RGMA: variants seen among roughly 807,000 people sequenced by gnomAD.
RGMA encodes the protein repulsive guidance molecule BMP co-receptor a, also known as repulsive guidance molecule A.
Under a neutral mutation model 23.2 loss-of-function variants are expected in RGMA, and 10 were observed. That is an observed-to-expected ratio of 0.43 (90% CI 0.27 to 0.73). The LOEUF (loss-of-function observed/expected upper bound fraction) is 0.73, where lower values mean the gene tolerates loss of function less well. RGMA is among the 30% of genes least tolerant of loss of function. The pLI is 0.20. For missense variants in RGMA, 547 were observed against 630.5 expected, an observed-to-expected ratio of 0.87 and a Z score of 1.42; for synonymous variants, 308 against 279.3, an observed-to-expected ratio of 1.10 and a Z score of -1.03.
intron 1 of RGMA, among the ~76,000 whole-genome samples, chr15:93,078,451 G>C (rs1282190888): frequency 6.6e-6 from 1 of 152,216 alleles, no homozygotes; most frequent in Non-Finnish European, 1.5e-5. Flanking sequence ...TTACAACTCA[G>C]AGTGTGAGAA....
At chr15:93,081,077 T>C (rs927759342) in intron 1 of RGMA, among the ~76,000 whole-genome samples, 1 of 152,174 alleles carries the variant, frequency 6.6e-6, no homozygotes, top group African/African-American at 2.4e-5. Context: ...CCACTGAATA[T>C]GGGGAAAGAC....
At chr15:93,076,710 C>A (rs1435559253) in intron 1 of RGMA, among the ~76,000 whole-genome samples, 1 of 152,140 alleles carries the variant, frequency 6.6e-6, no homozygotes, top group African/African-American at 2.4e-5. Context: ...GATTCTATTA[C>A]CATCCTCATT....
rs1179502287 is a variant in RGMA, at chr15:93,052,104, G to A, written c.534C>T (p.Phe178=). The change falls in exon 3 of 4, where the codon TTC becomes TTT. Residue 178 remains phenylalanine (F), a synonymous_variant. Transcript: ENST00000329082. The stretch of plus-strand genomic sequence containing the variant: ...AGGCGCCCTGCACCTTGCAGGTCTG[G>A]AAGCGGTCGGTGAAAGTCCTGAGGT... ...DPHLRTFTDR[F]QTCKVQGAWP... 1 of 1,613,832 alleles carries A rather than the reference G, an allele frequency of 6.2e-7. No homozygotes were observed. Among genetic ancestry groups the A allele is most frequent in the Non-Finnish European group, 8.5e-7 (1 of 1,179,844 alleles).
At chr15:93,046,440 C>T (rs2054825967) in intron 3 of RGMA, among the ~76,000 whole-genome samples, 1 of 152,172 alleles carries the variant, frequency 6.6e-6, no homozygotes, top group African/African-American at 2.4e-5. Context: ...CCGGCCTCCA[C>T]AATTATAAAA....
chr15:93,045,558 C>T lies in RGMA; in HGVS notation c.793G>A (p.Val265Met). The T allele has an allele frequency of 6.2e-7, 1 of 1,613,352 alleles. No homozygotes were observed. ...GANSLKITEK[V>M]SGQHVEIQAK... ...TGGATCTCCACGTGCTGGCCTGACACCTTCTCAGTGATCTTCAGGCTGTTG... is the reference window on the plus strand; with the variant it reads ...TGGATCTCCACGTGCTGGCCTGACATCTTCTCAGTGATCTTCAGGCTGTTG... The change falls in exon 4 of 4, where the codon GTG becomes ATG. Residue 265 changes from valine to methionine, a missense_variant. By Grantham distance (21) the Val-to-Met change is conservative. Coordinates refer to ENST00000329082, the MANE Select transcript of RGMA (RefSeq NM_020211.3). The surrounding 1 kb of genome is among the most constrained non-coding windows in gnomAD (Gnocchi z 6.9).
chr15:93,075,733 C>T (rs952722785), intron 1 of RGMA, among the ~76,000 whole-genome samples: 1 of 152,156 alleles, frequency 6.6e-6, no homozygotes, highest in Admixed American at 6.5e-5. Flanking sequence ...GTGTCCCTGC[C>T]GGGAGACGGG....
In RGMA at chr15:93,086,413, C is replaced by T. The variant is rs117992826; in HGVS notation, c.14+2506G>A. 9.6e-3 allele frequency among the ~76,000 whole-genome samples: 1,466 copies of T among 152,254 alleles called. 14 individuals carry two copies. Among genetic ancestry groups the T allele is most frequent in the Non-Finnish European group, 0.011 (738 of 68,014 alleles). ...GCAGGCTTCTTGATGGATCGGTGACCGTGCCTTCTTTCATGTCTATACTGC... is the reference window on the plus strand; with the variant it reads ...GCAGGCTTCTTGATGGATCGGTGACTGTGCCTTCTTTCATGTCTATACTGC... On this transcript the variant is annotated intron_variant, in intron 1 of 3. Coordinates refer to ENST00000329082, the MANE Select transcript of RGMA (RefSeq NM_020211.3).
rs950848194 is a variant in RGMA, at chr15:93,038,421, G to C, written c.*6577C>G. ...TGTGTCTTGTCTGCTGGGAGACACA[G>C]GTATGCGAGGGCGGAGGGTGGACTG... On this transcript the variant is annotated 3_prime_UTR_variant, in exon 4 of 4. Transcript: ENST00000329082. The C allele has an allele frequency of 4.6e-5, 7 of 152,168 alleles. No individual in the cohort carries two copies. The highest frequency in any genetic ancestry group is 1.7e-4 in the African/African-American group (7 of 41,416). The allele number at this position is 152,168 out of a possible 1,614,324, so 9.4% of individuals were successfully genotyped here. A position where few individuals can be genotyped will look rare whatever the true frequency, so the allele number is the denominator to read the frequency against.
intron 2 of RGMA, among the ~76,000 whole-genome samples, chr15:93,060,634 G>A (rs1390122945): frequency 6.6e-6 from 1 of 152,216 alleles, no homozygotes; most frequent in Non-Finnish European, 1.5e-5. Flanking sequence ...CAGAGCTCAT[G>A]GCTTCTCCGT....
chr15:93,074,521 T>C (rs1192814910), intron 1 of RGMA, among the ~76,000 whole-genome samples: 3 of 152,254 alleles, frequency 2.0e-5, no homozygotes, highest in African/African-American at 7.2e-5. Context: ...GAAGCTGCTC[T>C]TCCCTTAGGT....
intron 3 of RGMA, among the ~76,000 whole-genome samples, chr15:93,048,524 C>T (rs16947385): frequency 0.014 from 2,091 of 152,206 alleles, 48 homozygotes; most frequent in African/African-American, 0.047. Flanking sequence ...GAGGACCGGA[C>T]TCGATTTCCT....
In RGMA at chr15:93,045,844, A is replaced by G; in HGVS notation, c.646-139T>C. 1 of 637,216 alleles carries G rather than the reference A, an allele frequency of 1.6e-6. No individual in the cohort carries two copies. The highest frequency in any genetic ancestry group is 2.8e-6 in the Non-Finnish European group (1 of 363,504). The allele number at this position is 637,216 out of a possible 1,614,324, so 39.5% of individuals were successfully genotyped here. A position where few individuals can be genotyped will look rare whatever the true frequency, so the allele number is the denominator to read the frequency against. ...CCAGACACTCCCTTCTCCAGGTTGG[A>G]CAGATCAGTTCCACCTGCGCAGCTG... On this transcript the variant is annotated intron_variant, in intron 3 of 3. Coordinates refer to ENST00000329082, the MANE Select transcript of RGMA (RefSeq NM_020211.3). This position sits in a 1 kb window ranked among gnomAD's most constrained non-coding sequence, Gnocchi z 6.9.
At chr15:93,085,758 A>G (rs1895625848) in intron 1 of RGMA, among the ~76,000 whole-genome samples, 1 of 152,188 alleles carries the variant, frequency 6.6e-6, no homozygotes, top group South Asian at 2.1e-4. Context: ...AGAATTGTAA[A>G]GTTTCACACC....
At chr15:93,066,016 G>C in intron 2 of RGMA, 1 of 1,412,328 alleles carries the variant, frequency 7.1e-7, no homozygotes, top group Non-Finnish European at 9.9e-7. Context: ...TTCTCTGCCA[G>C]GTTCTGTCCC....
At chr15:93,068,972 T>C (rs980638257) in intron 2 of RGMA, among the ~76,000 whole-genome samples, 1 of 152,230 alleles carries the variant, frequency 6.6e-6, no homozygotes, top group African/African-American at 2.4e-5. Context: ...GAGCAATAAA[T>C]GTCTGTCATG....
intron 1 of RGMA, among the ~76,000 whole-genome samples, chr15:93,079,039 G>T (rs1895517211): frequency 6.6e-6 from 1 of 152,238 alleles, no homozygotes; most frequent in Non-Finnish European, 1.5e-5. Flanking sequence ...ATCACCATTT[G>T]TTTGCCATCT....
intron 2 of RGMA, chr15:93,063,181 A>G (rs1895026562): frequency 6.6e-6 from 1 of 152,230 alleles, no homozygotes; most frequent in African/African-American, 2.4e-5. Context: ...GCGCCTGTGG[A>G]GACACTAGCC....
chr15:93,083,549 G>A (rs954845928), intron 1 of RGMA, among the ~76,000 whole-genome samples: 10 of 152,034 alleles, frequency 6.6e-5, no homozygotes, highest in South Asian at 2.1e-4. Flanking sequence ...GGCTGGTCTC[G>A]AACTCCTGAG....
At chr15:93,056,730 A>C (rs543675174) in intron 2 of RGMA, among the ~76,000 whole-genome samples, 25 of 152,216 alleles carry the variant, frequency 1.6e-4, no homozygotes, top group Admixed American at 1.6e-3. Context: ...TGTCTGGTTC[A>C]AAGTCCCACT....
Sources: allele counts gnomAD v4.1 joint callset (sites outside exome capture counted in the v4.1 genomes callset), GRCh38; gene constraint gnomAD v4.1.1; non-coding constraint Gnocchi (gnomAD v3.1); transcripts MANE v1.5; gene names NCBI Gene and HGNC (gene_info 2026-07-23, HGNC 2026-07-21).